LRRIQ3: variants seen among roughly 807,000 people sequenced by gnomAD.
LRRIQ3 encodes leucine-rich repeat and IQ domain-containing protein 3.
LRRIQ3 carries 75 observed loss-of-function variants against 59.3 expected under a neutral mutation model. The ratio of observed to expected loss-of-function variants is 1.26; its 90% CI spans 1.05 to 1.53. The LOEUF is 1.53. Ranked by LOEUF, LRRIQ3 falls within the 40% of genes most tolerant of loss-of-function variation. The probability of loss-of-function intolerance (pLI) is 0.00; values close to 1 mark genes in which losing one functional copy is unlikely to be tolerated. For synonymous variants in LRRIQ3, 250 were observed against 231.3 expected (o/e 1.08, Z -0.73); for missense variants, 831 against 710.0 (o/e 1.17, Z -1.94).
At chr1:74,097,125 G>C (rs1356875440) in intron 5 of LRRIQ3, among the ~76,000 whole-genome samples, 1 of 152,072 alleles carries the variant, frequency 6.6e-6, no homozygotes, top group African/African-American at 2.4e-5. Flanking sequence ...CCTTTTGGGG[G>C]AAGTTTGAAC....
intron 6 of LRRIQ3, among the ~76,000 whole-genome samples, chr1:74,067,615 C>T (rs770929903): frequency 5.3e-5 from 8 of 152,044 alleles, no homozygotes; most frequent in Non-Finnish European, 8.8e-5. Context: ...TGTGGTTGAT[C>T]ACAGTAAAAA....
At chr1:74,051,378 G>A (rs1325526404) in intron 6 of LRRIQ3, among the ~76,000 whole-genome samples, 1 of 152,142 alleles carries the variant, frequency 6.6e-6, no homozygotes, top group Non-Finnish European at 1.5e-5. Flanking sequence ...TTGCAATGAT[G>A]TGACTGTTAG....
intron 3 of LRRIQ3, among the ~76,000 whole-genome samples, chr1:74,161,204 G>T (rs146924076): frequency 6.6e-6 from 1 of 151,824 alleles, no homozygotes; most frequent in Non-Finnish European, 1.5e-5. Context: ...CAAAGAACAC[G>T]AATCCTATTT....
intron 4 of LRRIQ3, among the ~76,000 whole-genome samples, chr1:74,145,732 T>C (rs113418436): frequency 6.6e-6 from 1 of 152,156 alleles, no homozygotes; most frequent in African/African-American, 2.4e-5. Context: ...TATATTTGTA[T>C]TAAGTATTTA....
chr1:74,072,871 A>T (rs1280168227), intron 6 of LRRIQ3, among the ~76,000 whole-genome samples: 1 of 152,158 alleles, frequency 6.6e-6, no homozygotes, highest in East Asian at 1.9e-4. Flanking sequence ...TTCTGACCAT[A>T]ATGTTCTTTT....
chr1:74,185,299 C>T (rs1010388585), intron 1 of LRRIQ3, among the ~76,000 whole-genome samples: 3 of 152,174 alleles, frequency 2.0e-5, no homozygotes, highest in East Asian at 3.8e-4. Flanking sequence ...CACAACCTCA[C>T]CAGTACATAA....
At chr1:74,092,242 T>C (rs1646402393) in intron 5 of LRRIQ3, among the ~76,000 whole-genome samples, 1 of 152,010 alleles carries the variant, frequency 6.6e-6, no homozygotes, top group African/African-American at 2.4e-5. Context: ...AAGTACTGAG[T>C]GAAATAGTTC....
intron 6 of LRRIQ3, among the ~76,000 whole-genome samples, chr1:74,045,686 T>C (rs766723764): frequency 2.0e-5 from 3 of 152,174 alleles, no homozygotes; most frequent in Non-Finnish European, 2.9e-5. Flanking sequence ...TGTTTGCAGA[T>C]GACATGATTG....
At chr1:74,030,611 C>G (rs1653675364) in intron 7 of LRRIQ3, among the ~76,000 whole-genome samples, 2 of 152,088 alleles carry the variant, frequency 1.3e-5, no homozygotes, top group South Asian at 4.1e-4. Context: ...AAAATTAATT[C>G]AAGATGGATT....
chr1:74,063,366 G>C (rs1654783458), intron 6 of LRRIQ3, among the ~76,000 whole-genome samples: 1 of 152,072 alleles, frequency 6.6e-6, no homozygotes, highest in Non-Finnish European at 1.5e-5. Context: ...AGAAGAATGT[G>C]TATTCTGCTA....
intron 6 of LRRIQ3, among the ~76,000 whole-genome samples, chr1:74,065,917 T>G (rs1286309644): frequency 6.6e-6 from 1 of 152,132 alleles, no homozygotes; most frequent in Non-Finnish European, 1.5e-5. Context: ...CAGGGCACAA[T>G]GGCTCATGCC....
intron 5 of LRRIQ3, among the ~76,000 whole-genome samples, chr1:74,096,907 A>T (rs1160034526): frequency 2.0e-5 from 3 of 152,084 alleles, no homozygotes; most frequent in Non-Finnish European, 4.4e-5. Context: ...GTTCCTCTGG[A>T]AGCTTCGTCT....
chr1:74,073,688 G>A (rs1646164161), intron 6 of LRRIQ3, among the ~76,000 whole-genome samples: 1 of 151,726 alleles, frequency 6.6e-6, no homozygotes, highest in Non-Finnish European at 1.5e-5. Context: ...CACTGGCAAT[G>A]AGGATCTAAC....
rs150383026 is a variant in LRRIQ3, at chr1:74,171,103, A to C, written c.573+11435T>G. Among the ~76,000 whole-genome samples, 7 of 152,270 alleles carry C rather than the reference A, an allele frequency of 4.6e-5. No homozygotes were observed. In the East Asian group the frequency reaches 1.2e-3, roughly 25 times the overall value. On this transcript the variant is annotated intron_variant, in intron 3 of 7. Coordinates refer to ENST00000354431, the MANE Select transcript of LRRIQ3 (RefSeq NM_001105659.2). ...ATAAGACCATGCCACCTGCAAGTAG[A>C]GATAATTTTACTTCTTCCATCCTAA...
chr1:74,061,411 T>C (rs913625999), intron 6 of LRRIQ3, among the ~76,000 whole-genome samples: 7 of 152,140 alleles, frequency 4.6e-5, no homozygotes, highest in Non-Finnish European at 8.8e-5. Context: ...TATCAAATTA[T>C]CAATGACATT....
At chr1:74,160,554 G>A (rs1227402234) in intron 3 of LRRIQ3, among the ~76,000 whole-genome samples, 11 of 151,774 alleles carry the variant, frequency 7.2e-5, no homozygotes, top group South Asian at 2.1e-4. Context: ...TTTCTCTACC[G>A]TAATTCCATC....
intron 5 of LRRIQ3, among the ~76,000 whole-genome samples, chr1:74,098,992 G>C (rs1646490342): frequency 6.6e-6 from 1 of 152,090 alleles, no homozygotes; most frequent in African/African-American, 2.4e-5. Flanking sequence ...ACAATGAAAA[G>C]AACTAGAGAA....
At chr1:74,044,273 A>T (rs1654133191) in intron 6 of LRRIQ3, among the ~76,000 whole-genome samples, 1 of 152,072 alleles carries the variant, frequency 6.6e-6, no homozygotes, top group Non-Finnish European at 1.5e-5. Context: ...TTGAAATGCA[A>T]TCCCCAATGT....
At chr1:74,040,276 C>T (rs1353323985) in intron 7 of LRRIQ3, among the ~76,000 whole-genome samples, 3 of 152,142 alleles carry the variant, frequency 2.0e-5, no homozygotes, top group African/African-American at 7.2e-5. Context: ...TACAGCAGCA[C>T]CTGGATCCAT....
Sources: gnomAD v4.1 joint callset for allele counts (sites outside exome capture counted in the v4.1 genomes callset) on GRCh38, gnomAD v4.1.1 for gene constraint, MANE v1.5 for transcripts, NCBI Gene and HGNC (gene_info 2026-07-23, HGNC 2026-07-21) for gene names.